The following ROBO2 variants were observed in gnomAD, a reference collection of about 807,000 sequenced individuals.
ROBO2 encodes the protein roundabout homolog 2.
ROBO2 carries 53 observed loss-of-function variants against 160.8 expected under a neutral mutation model. The ratio of observed to expected loss-of-function variants is 0.33; its 90% confidence interval spans 0.26 to 0.41. The LOEUF (loss-of-function observed/expected upper bound fraction) is 0.41, where lower values mean the gene tolerates loss of function less well. Among genes scored for constraint, ROBO2 ranks in the 10% least tolerant of loss-of-function variants. The pLI is 1.00. For synonymous variants in ROBO2, 664 were observed against 611.7 expected (o/e 1.09, Z -1.26); for missense variants, 1,577 against 1,722.4 (o/e 0.92, Z 1.49).
intron 2 of ROBO2, among the ~76,000 whole-genome samples, chr3:76,928,266 G>A (rs188812374): frequency 5.3e-5 from 8 of 152,122 alleles, no homozygotes; most frequent in African/African-American, 1.9e-4. Context: ...AACCAGCAAG[G>A]GAACAAATTC....
intron 1 of ROBO2, among the ~76,000 whole-genome samples, chr3:75,911,926 A>G (rs145776432): frequency 4.6e-5 from 7 of 152,292 alleles, no homozygotes; most frequent in African/African-American, 1.2e-4. Context: ...AGTACATTAA[A>G]AAGGCTGGAT....
chr3:77,459,588 T>C (rs2082025623), intron 2 of ROBO2, among the ~76,000 whole-genome samples: 2 of 152,204 alleles, frequency 1.3e-5, no homozygotes, highest in Admixed American at 6.5e-5. Flanking sequence ...CAGTAATATG[T>C]GATATTCAGG....
At chr3:76,297,857 G>A (rs1292829708) in intron 2 of ROBO2, among the ~76,000 whole-genome samples, 1 of 152,122 alleles carries the variant, frequency 6.6e-6, no homozygotes, top group African/African-American at 2.4e-5. Flanking sequence ...GTTTCTCTGT[G>A]AATGCTGTAA....
intron 8 of ROBO2, among the ~76,000 whole-genome samples, chr3:77,556,608 A>G (rs976248244): frequency 2.6e-5 from 4 of 151,914 alleles, no homozygotes; most frequent in Admixed American, 6.6e-5. Context: ...TTGGAAAGAT[A>G]GTAATTTTAA....
rs567914509 is a variant in ROBO2, at chr3:77,519,361, C to T, written c.807-3414C>T. 7.3e-5 allele frequency among the ~76,000 whole-genome samples: 11 copies of T among 151,180 alleles called. No individual in the cohort carries two copies. The East Asian group carries it at 2.2e-3, about 30-fold the overall frequency. Reference sequence around the variant, plus strand: ...AAAACTTTTAATTTTTTTTAAATTTCAACCTTTATTTTAGATTTGGAGGTA... The same window carrying T: ...AAAACTTTTAATTTTTTTTAAATTTTAACCTTTATTTTAGATTTGGAGGTA... On this transcript the variant is annotated intron_variant, in intron 5 of 25. Coordinates refer to ENST00000461745, the Ensembl canonical transcript of ROBO2.
chr3:76,157,441 C>G (rs1312064682), intron 2 of ROBO2, among the ~76,000 whole-genome samples: 1 of 152,046 alleles, frequency 6.6e-6, no homozygotes, highest in Non-Finnish European at 1.5e-5. Context: ...GCAGAGTAAG[C>G]CACAATGCGT....
rs1277865204 is a variant in ROBO2 at position 76,472,098 on chromosome 3, T to TGC, written c.109+534497_109+534498insCG. 6.3e-5 allele frequency among the ~76,000 whole-genome samples: 7 copies of TGC among 110,300 alleles called. No individual in the cohort carries two copies. In the South Asian group the frequency reaches 8.5e-4, roughly 13 times the overall value. 72.4% of individuals were successfully genotyped at this position (110,300 alleles called of 152,430 possible). A position where few individuals can be genotyped will look rare whatever the true frequency, so the allele number is the denominator to read the frequency against. ...GTGTGTGTGTGTGTGTGTGTGTGTGTGTGCGCGTGTGCGTGCGCATGTGTA... is the reference window on the plus strand; with the variant it reads ...GTGTGTGTGTGTGTGTGTGTGTGTGTGCGTGCGCGTGTGCGTGCGCATGTGTA... On this transcript the variant is annotated intron_variant, in intron 2 of 26. Transcript: ENST00000487694.
rs573336626 is a variant in ROBO2, at chr3:76,178,532, A to G, written c.109+240930A>G. 1.8e-4 allele frequency among the ~76,000 whole-genome samples: 27 copies of G among 152,316 alleles called. No homozygotes were observed. The South Asian group carries it at 3.5e-3, about 20-fold the overall frequency. On this transcript the variant is annotated intron_variant, in intron 2 of 26. Coordinates refer to the ROBO2 transcript ENST00000487694. ...GGGAACACAGAAAATTATTTTTCTCACAATACTACTAGTTTTACCAGGAAT... is the reference window on the plus strand; with the variant it reads ...GGGAACACAGAAAATTATTTTTCTCGCAATACTACTAGTTTTACCAGGAAT...
At chr3:76,188,509 G>C (rs1701864473) in intron 2 of ROBO2, among the ~76,000 whole-genome samples, 1 of 151,970 alleles carries the variant, frequency 6.6e-6, no homozygotes, top group African/African-American at 2.4e-5. Context: ...CATGCTTGAG[G>C]GATATGATGC....
intron 2 of ROBO2, among the ~76,000 whole-genome samples, chr3:76,100,386 C>G (rs1330695466): frequency 6.6e-6 from 1 of 152,196 alleles, no homozygotes; most frequent in Non-Finnish European, 1.5e-5. Context: ...GAAAACTGCT[C>G]TTTGTCTGCT....
chr3:76,069,101 T>G (rs2068358621), intron 2 of ROBO2, among the ~76,000 whole-genome samples: 1 of 152,166 alleles, frequency 6.6e-6, no homozygotes, highest in Admixed American at 6.5e-5. Context: ...ACTGCCAATT[T>G]TCAAGTTTTT....
intron 2 of ROBO2, among the ~76,000 whole-genome samples, chr3:77,267,875 C>T (rs890086862): frequency 6.6e-6 from 1 of 152,100 alleles, no homozygotes; most frequent in African/African-American, 2.4e-5. Flanking sequence ...ATAGACTTAC[C>T]AACTCCCCCA....
chr3:77,383,534 G>A (rs546944111), intron 2 of ROBO2, among the ~76,000 whole-genome samples: 2 of 152,158 alleles, frequency 1.3e-5, no homozygotes, highest in African/African-American at 4.8e-5. Flanking sequence ...AATTATTTAT[G>A]CTGCTGATAC....
chr3:75,937,443 T>A, intron 1 of ROBO2: 1 of 1,154,048 alleles, frequency 8.7e-7, no homozygotes, highest in Admixed American at 2.4e-5. Context: ...AAGAATGTAA[T>A]TTATTGTACT....
At chr3:76,973,424 A>G (rs1422352892) in intron 2 of ROBO2, among the ~76,000 whole-genome samples, 1 of 152,140 alleles carries the variant, frequency 6.6e-6, no homozygotes, top group Non-Finnish European at 1.5e-5. Flanking sequence ...AAATCATTAT[A>G]AAGTTCAAGT....
intron 6 of ROBO2, among the ~76,000 whole-genome samples, chr3:77,541,800 T>C (rs2092473541): frequency 1.3e-5 from 2 of 152,228 alleles, no homozygotes; most frequent in South Asian, 2.1e-4. Flanking sequence ...AATATAAGTA[T>C]ATATTTTATA....
chr3:76,169,192 C>T (rs114790123), intron 2 of ROBO2, among the ~76,000 whole-genome samples: 164 of 152,124 alleles, frequency 1.1e-3, no homozygotes, highest in African/African-American at 3.3e-3. Context: ...TTTCTTCTTC[C>T]CACTTTATTG....
chr3:76,914,566 A>T (rs930281324), intron 2 of ROBO2, among the ~76,000 whole-genome samples: 1 of 152,122 alleles, frequency 6.6e-6, no homozygotes, highest in Non-Finnish European at 1.5e-5. Flanking sequence ...TCTTGTTGCC[A>T]AGAAAATCTG....
chr3:76,745,929 C>T (rs376950914), intron 2 of ROBO2, among the ~76,000 whole-genome samples: 7,252 of 148,640 alleles, frequency 0.049, 245 homozygotes, highest in Middle Eastern at 0.14. Context: ...GTGTGCTGCA[C>T]CCATTAACTC....
Sources: allele counts gnomAD v4.1 joint callset (sites outside exome capture counted in the v4.1 genomes callset), GRCh38; gene constraint gnomAD v4.1.1; transcripts MANE v1.5; gene names NCBI Gene and HGNC (gene_info 2026-07-23, HGNC 2026-07-21).